Variants in SIRPA observed in about 807,000 individuals in gnomAD.
The protein encoded by SIRPA is signal regulatory protein alpha, also known as tyrosine-protein phosphatase non-receptor type substrate 1.
SIRPA carries 9 observed loss-of-function variants against 50.3 expected under a neutral mutation model. That is an observed-to-expected ratio of 0.18 (90% CI 0.11 to 0.31). The LOEUF (loss-of-function observed/expected upper bound fraction) is 0.31. SIRPA is among the 10% of genes least tolerant of loss of function. SIRPA has a pLI of 1.00. For synonymous variants in SIRPA, 265 were observed against 284.1 expected, an observed-to-expected ratio of 0.93 and a Z score of 0.68; for missense variants, 474 against 661.6, an observed-to-expected ratio of 0.72 and a Z score of 3.11.
At chr20:1,903,067 G>GGGGGATA (rs1212526107) in intron 1 of SIRPA, among the ~76,000 whole-genome samples, 1 of 151,650 alleles carries the variant, frequency 6.6e-6, no homozygotes, top group East Asian at 1.9e-4. Context: ...GAGTAGCCAC[G>GGGGGATA]GGGGATAGCA....
intron 1 of SIRPA, among the ~76,000 whole-genome samples, chr20:1,905,892 T>C (rs1489513820): frequency 6.6e-6 from 1 of 152,200 alleles, no homozygotes; most frequent in Non-Finnish European, 1.5e-5. Context: ...CCCCGCTGCC[T>C]CCTTGCCAGC....
intron 1 of SIRPA, among the ~76,000 whole-genome samples, chr20:1,907,247 G>A (rs993576409): frequency 6.6e-6 from 1 of 152,224 alleles, no homozygotes; most frequent in Non-Finnish European, 1.5e-5. Flanking sequence ...CAGGCCACAC[G>A]CATCCCCATT....
At chr20:1,926,972 G>A (rs966391090) in intron 5 of SIRPA, among the ~76,000 whole-genome samples, 1 of 152,216 alleles carries the variant, frequency 6.6e-6, no homozygotes. Flanking sequence ...GGGGGTGACT[G>A]GTGTCCTATC....
At chr20:1,918,322 A>G (rs1217429479) in intron 2 of SIRPA, among the ~76,000 whole-genome samples, 4 of 148,972 alleles carry the variant, frequency 2.7e-5, no homozygotes, top group African/African-American at 5.0e-5. Context: ...CAACCTCCCA[A>G]GTAGCTGGGA....
In SIRPA at chr20:1,924,942, A is replaced by G; in HGVS notation, c.1201+65A>G. The stretch of plus-strand genomic sequence containing the variant: ...TGGACTGTCCTCGGAGGGAGACGCC[A>G]TTAGGTGCTTTGGGTTAAGGACATC... On this transcript the variant is annotated intron_variant, in intron 5 of 7. Transcript: ENST00000358771. The surrounding 1 kb of genome is among the most constrained non-coding windows in gnomAD (Gnocchi z 4.5). 7.6e-7 allele frequency: 1 copy of G among 1,307,474 alleles called. No individual in the cohort carries two copies. Among genetic ancestry groups the G allele is most frequent in the Non-Finnish European group, 1.1e-6 (1 of 907,428 alleles). The allele number at this position is 1,307,474 out of a possible 1,614,324, so 81.0% of individuals were successfully genotyped here. A position where few individuals can be genotyped will look rare whatever the true frequency, so the allele number is the denominator to read the frequency against.
intron 2 of SIRPA, among the ~76,000 whole-genome samples, chr20:1,916,323 A>T (rs189886518): frequency 1.8e-4 from 27 of 152,326 alleles, no homozygotes; most frequent in Non-Finnish European, 2.9e-5. Flanking sequence ...ACCCCTAGTT[A>T]CAGGTGGAAA....
In SIRPA at chr20:1,937,980, T is replaced by TCCACCACCTCCACCA. The variant is rs1986691838; in HGVS notation, c.*420_*421insTCCACCACCACCACC. On this transcript the variant is annotated 3_prime_UTR_variant, in exon 8 of 8. Transcript: ENST00000358771. The surrounding 1 kb of genome is among the most constrained non-coding windows in gnomAD (Gnocchi z 8.3). ...CCCACCTCCCCTGACCTCCACCACCTCCACCACCACCACCACCACCACCAC... is the reference window on the plus strand; with the variant it reads ...CCCACCTCCCCTGACCTCCACCACCTCCACCACCTCCACCACCACCACCACCACCACCACCACCAC... 1.8e-4 allele frequency: 27 copies of TCCACCACCTCCACCA among 153,066 alleles called. No individual in the cohort carries two copies. In the South Asian group the frequency reaches 2.4e-3, roughly 14 times the overall value. 9.5% of individuals were successfully genotyped at this position (153,066 alleles called of 1,614,324 possible).
At chr20:1,896,154 T>C (rs1983801449) in intron 1 of SIRPA, among the ~76,000 whole-genome samples, 7 of 152,178 alleles carry the variant, frequency 4.6e-5, no homozygotes, top group Admixed American at 4.6e-4. Context: ...GGATTGTCCC[T>C]GTGGTTGCCA....
chr20:1,934,641 G>A lies in SIRPA; in HGVS notation c.1227-74G>A, dbSNP rs1986468776. The A allele has an allele frequency of 4.1e-6, 6 of 1,459,032 alleles. No homozygotes were observed. The highest frequency in any genetic ancestry group is 4.8e-6 in the Non-Finnish European group (5 of 1,040,274). The allele number at this position is 1,459,032 out of a possible 1,614,324, so 90.4% of individuals were successfully genotyped here. A position where few individuals can be genotyped will look rare whatever the true frequency, so the allele number is the denominator to read the frequency against. ...CCCATATAGAAAATGGAGCCTAAATGTTATTCTTATCAGTTTGCATGAGCA... is the reference window on the plus strand; with the variant it reads ...CCCATATAGAAAATGGAGCCTAAATATTATTCTTATCAGTTTGCATGAGCA... On this transcript the variant is annotated intron_variant, in intron 6 of 7. Coordinates refer to ENST00000358771, the MANE Select transcript of SIRPA (RefSeq NM_001040023.2). The surrounding 1 kb of genome is among the most constrained non-coding windows in gnomAD (Gnocchi z 4.6).
intron 2 of SIRPA, among the ~76,000 whole-genome samples, chr20:1,921,018 C>G (rs1034483651): frequency 5.9e-5 from 9 of 152,230 alleles, no homozygotes; most frequent in Non-Finnish European, 1.3e-4. Flanking sequence ...TATAAACGCT[C>G]TCTCTGAGGT....
upstream of SIRPA, chr20:1,895,400 AGC>A: frequency 8.8e-7 from 1 of 1,139,322 alleles, no homozygotes. Flanking sequence ...CTCCCGCCCG[AGC>A]GCGCACTCAC....
rs888804788 is a variant in SIRPA at position 1,896,859 on chromosome 20, C to T, written c.79+1333C>T. 2.7e-5 allele frequency among the ~76,000 whole-genome samples: 4 copies of T among 147,552 alleles called. No homozygotes were observed. The East Asian group carries it at 8.2e-4, about 30-fold the overall frequency. On this transcript the variant is annotated intron_variant, in intron 1 of 7. Coordinates refer to ENST00000358771, the MANE Select transcript of SIRPA (RefSeq NM_001040023.2). ...AAGGGAGCACTGATACAGTTCACGT[C>T]TCTCCAGTGAGTGGCATCTCCTATC...
intron 7 of SIRPA, among the ~76,000 whole-genome samples, chr20:1,935,315 T>C (rs1225290394): frequency 1.3e-5 from 2 of 152,252 alleles, no homozygotes; most frequent in Admixed American, 1.3e-4. Context: ...CTGAGAAACC[T>C]AGCCCTGCTT....
At position 1,934,994 on chromosome 20, in the gene SIRPA, T is replaced by C. The variant is rs1986495267; in HGVS notation, c.1266+240T>C. On this transcript the variant is annotated intron_variant, in intron 7 of 7. Coordinates refer to ENST00000358771, the MANE Select transcript of SIRPA (RefSeq NM_001040023.2). The surrounding 1 kb of genome is among the most constrained non-coding windows in gnomAD (Gnocchi z 4.6). ...TTGCACAACTCCCCAGGGGCACCAT[T>C]CACAATCCGTCCTATGAAAATGGTG... 6.6e-6 allele frequency among the ~76,000 whole-genome samples: 1 copy of C among 152,188 alleles called. No homozygotes were observed. The highest frequency in any genetic ancestry group is 2.4e-5 in the African/African-American group (1 of 41,432).
Position 1,927,048 on chromosome 20 carries a change from G to A in SIRPA, c.1202-827G>A, listed in dbSNP as rs748694218. Among the ~76,000 whole-genome samples, 20 of 152,128 alleles carry A rather than the reference G, an allele frequency of 1.3e-4. No homozygotes were observed. The highest frequency in any genetic ancestry group is 2.1e-4 in the South Asian group (1 of 4,826). On this transcript the variant is annotated intron_variant, in intron 5 of 7. Coordinates refer to ENST00000358771, the MANE Select transcript of SIRPA (RefSeq NM_001040023.2). This position sits in a 1 kb window ranked among gnomAD's most constrained non-coding sequence, Gnocchi z 6.5. ...CCTGTCAGCCTCCACTCAGACTTTC[G>A]GTGCTGAGCACAGCTTCCAACTGGT...
At chr20:1,903,515 G>T (rs1984364173) in intron 1 of SIRPA, among the ~76,000 whole-genome samples, 1 of 152,204 alleles carries the variant, frequency 6.6e-6, no homozygotes, top group Non-Finnish European at 1.5e-5. Context: ...CAGCTGGAGT[G>T]AATCAAGTCA....
At chr20:1,920,702 G>C (rs900424925) in intron 2 of SIRPA, among the ~76,000 whole-genome samples, 1 of 152,188 alleles carries the variant, frequency 6.6e-6, no homozygotes, top group Non-Finnish European at 1.5e-5. Context: ...TATTTGTGGA[G>C]AAAATGAAAA....
At chr20:1,901,611 C>A (rs997215198) in intron 1 of SIRPA, among the ~76,000 whole-genome samples, 7 of 152,108 alleles carry the variant, frequency 4.6e-5, no homozygotes, top group Non-Finnish European at 1.0e-4. Flanking sequence ...GCTGGTGTTC[C>A]TGGGATGGGT....
chr20:1,922,651 G>T lies in SIRPA; in HGVS notation c.1087+6G>T. 6.2e-7 allele frequency: 1 copy of T among 1,608,986 alleles called. No homozygotes were observed. On this transcript the variant is annotated splice_donor_region_variant and intron_variant, in intron 4 of 7. Transcript: ENST00000358771. ...GGGCTCAAATACCGCCGCTGGTGAG[G>T]CCTCTATTTCAGCTGACCCAGCTTT...
Sources: gnomAD v4.1 joint callset for allele counts (sites outside exome capture counted in the v4.1 genomes callset) on GRCh38, gnomAD v4.1.1 for gene constraint, Gnocchi (gnomAD v3.1) non-coding constraint, MANE v1.5 for transcripts, NCBI Gene and HGNC (gene_info 2026-07-23, HGNC 2026-07-21) for gene names.